Variants in OLFML2B observed in about 807,000 individuals in gnomAD.
OLFML2B encodes the protein olfactomedin like 2B.
Under a neutral mutation model 74.9 loss-of-function variants are expected in OLFML2B, and 57 were observed. That is an observed-to-expected ratio of 0.76 (90% CI 0.61 to 0.95). The LOEUF (loss-of-function observed/expected upper bound fraction) is 0.95. Ranked by LOEUF, OLFML2B falls within the 40% of genes least tolerant of loss-of-function variation. The pLI, the probability that OLFML2B is intolerant of heterozygous loss-of-function variation, is 0.00. For synonymous variants in OLFML2B, 388 were observed against 405.8 expected (o/e 0.96, Z 0.53); for missense variants, 986 against 970.6 (o/e 1.02, Z -0.21).
intron 6 of OLFML2B, among the ~76,000 whole-genome samples, chr1:161,991,351 T>C (rs1689738041): frequency 1.3e-5 from 2 of 152,252 alleles, no homozygotes; most frequent in South Asian, 4.1e-4. Context: ...AATGCTGTGT[T>C]GGCAGGCATG....
In OLFML2B at chr1:162,007,035, C is replaced by T. The variant is rs548128840; in HGVS notation, c.547-562G>A. ...TTTACATAGAAAATTGATAGGCTGG[C>T]TTCAAACTTTCCTATTTACCCATAA... On this transcript the variant is annotated intron_variant, in intron 3 of 7. Transcript: ENST00000294794. 1.4e-4 allele frequency among the ~76,000 whole-genome samples: 21 copies of T among 152,330 alleles called. No homozygotes were observed. In the South Asian group the frequency reaches 3.9e-3, roughly 29 times the overall value.
rs551981624 is a variant in OLFML2B at position 162,015,697 on chromosome 1, G to A, written c.546+1703C>T. Among the ~76,000 whole-genome samples, 15 of 152,284 alleles carry A rather than the reference G, an allele frequency of 9.9e-5. No homozygotes were observed. The East Asian group carries it at 1.2e-3, about 12-fold the overall frequency. ...TGGTTTTAACTAGGAGGAAGAGTCCGAAGCCTGCATGAAGTCCATTAGTAG... is the reference window on the plus strand; with the variant it reads ...TGGTTTTAACTAGGAGGAAGAGTCCAAAGCCTGCATGAAGTCCATTAGTAG... On this transcript the variant is annotated intron_variant, in intron 3 of 7. Coordinates refer to ENST00000294794, the MANE Select transcript of OLFML2B (RefSeq NM_015441.3).
Position 161,983,912 on chromosome 1 carries a change from G to A in OLFML2B, c.2016C>T (p.Phe672=). The change falls in exon 8 of 8, where the codon TTC becomes TTT. Residue 672 remains phenylalanine, a synonymous_variant. Transcript: ENST00000294794. ...CACAGATGACGAAGCAGTTGCCGTA[G>A]AAATTCCTCCGGAGCCCCGTGCGCC... ...TTWRTGLRRN[F]YGNCFVICGV... The A allele has an allele frequency of 1.2e-6, 2 of 1,614,230 alleles. No homozygotes were observed. The highest frequency in any genetic ancestry group is 1.1e-5 in the South Asian group (1 of 91,084).
At chr1:162,013,928 ACACACACAC>A (rs1011506445) in intron 3 of OLFML2B, among the ~76,000 whole-genome samples, 3 of 142,392 alleles carry the variant, frequency 2.1e-5, no homozygotes, top group African/African-American at 7.9e-5. Flanking sequence ...ACACACACAC[ACACACACAC>A]ACTTCTGTAG....
intron 6 of OLFML2B, among the ~76,000 whole-genome samples, chr1:161,988,409 C>A (rs963199192): frequency 1.3e-5 from 2 of 152,176 alleles, no homozygotes; most frequent in Non-Finnish European, 2.9e-5. Flanking sequence ...GGTCCTTGGG[C>A]GTCTGCTCCC....
At chr1:162,004,831 G>A (rs1206690784) in intron 4 of OLFML2B, among the ~76,000 whole-genome samples, 4 of 152,146 alleles carry the variant, frequency 2.6e-5, no homozygotes, top group South Asian at 2.1e-4. Flanking sequence ...CACTCAGAAC[G>A]ACTCCCCGAA....
At chr1:161,998,670 C>A (rs1689999570) in intron 5 of OLFML2B, among the ~76,000 whole-genome samples, 1 of 152,276 alleles carries the variant, frequency 6.6e-6, no homozygotes, top group African/African-American at 2.4e-5. Flanking sequence ...ATCCTTCCAG[C>A]ACATGTTTAT....
In OLFML2B at chr1:162,005,148, C is replaced by T. The variant is rs538288640; in HGVS notation, c.723+1149G>A. 2.0e-5 allele frequency among the ~76,000 whole-genome samples: 3 copies of T among 152,306 alleles called. No homozygotes were observed. In the South Asian group the frequency reaches 6.2e-4, roughly 32 times the overall value. On this transcript the variant is annotated intron_variant, in intron 4 of 7. Transcript: ENST00000294794. ...TTGGACAACAATTCAGTAAATAACC[C>T]AATACATTAAATGGTAGCACTTAAC... is the stretch of plus-strand genomic sequence containing the variant.
At chr1:161,993,227 C>T (rs968464948) in intron 6 of OLFML2B, among the ~76,000 whole-genome samples, 1 of 152,232 alleles carries the variant, frequency 6.6e-6, no homozygotes, top group African/African-American at 2.4e-5. Flanking sequence ...CTTGTTGGCT[C>T]TGGTTCTTCT....
chr1:162,004,063 C>T (rs1690153481), intron 4 of OLFML2B, among the ~76,000 whole-genome samples: 1 of 152,172 alleles, frequency 6.6e-6, no homozygotes, highest in Admixed American at 6.5e-5. Flanking sequence ...GAGCTGGGTT[C>T]CCGAACATAC....
chr1:161,994,160 G>C (rs1450751235), intron 6 of OLFML2B, among the ~76,000 whole-genome samples: 1 of 152,228 alleles, frequency 6.6e-6, no homozygotes, highest in Non-Finnish European at 1.5e-5. Flanking sequence ...GAGACCAGTG[G>C]AGCTGGGGCT....
intron 6 of OLFML2B, among the ~76,000 whole-genome samples, chr1:161,993,661 G>A (rs1392921583): frequency 1.3e-5 from 2 of 151,686 alleles, no homozygotes; most frequent in Admixed American, 6.6e-5. Flanking sequence ...TCCCTCACTC[G>A]ACCCCATCTG....
At chr1:162,010,712 C>T (rs12025136) in intron 3 of OLFML2B, among the ~76,000 whole-genome samples, 86,582 of 151,856 alleles carry the variant, frequency 0.57, 29,364 homozygotes, top group Non-Finnish European at 0.75. Context: ...TCTGTGGTCT[C>T]GTTTTTACAA....
In OLFML2B at chr1:162,023,422, C is replaced by G; in HGVS notation, c.9G>C (p.Lys3Asn). Residue 3 changes from lysine (K) to asparagine (N), a missense_variant, in exon 1 of 8, where the codon AAG becomes AAC. By Grantham distance (94) the Lys-to-Asn change is moderately conservative (BLOSUM62 0). Transcript: ENST00000294794. MAKPRLLVLYFAL... is the reference protein window; with the variant it reads MANPRLLVLYFAL... ...CGAAGTAGAGAACTAGCAGCCGAGG[C>G]TTGGCCATGAGGGGCGCGATAAGAG... 2 of 1,566,934 alleles carry G rather than the reference C, an allele frequency of 1.3e-6. No homozygotes were observed. The highest frequency in any genetic ancestry group is 2.3e-5 in the South Asian group (2 of 85,758).
chr1:162,005,902 CAAAA>C (rs71093139), intron 4 of OLFML2B, among the ~76,000 whole-genome samples: 832 of 77,726 alleles, frequency 0.011, 12 homozygotes, highest in African/African-American at 0.027. Context: ...TGGAACCTAT[CAAAA>C]AAAAAAAAAA....
At chr1:161,995,457 A>T (rs1241862799) in intron 6 of OLFML2B, among the ~76,000 whole-genome samples, 2 of 152,224 alleles carry the variant, frequency 1.3e-5, no homozygotes, top group Non-Finnish European at 2.9e-5. Context: ...CCACCAGGTA[A>T]ATGGCTGCTG....
chr1:161,999,592 G>A (rs992782353), intron 5 of OLFML2B, among the ~76,000 whole-genome samples: 1 of 151,968 alleles, frequency 6.6e-6, no homozygotes, highest in Non-Finnish European at 1.5e-5. Flanking sequence ...ACAAGAGGAG[G>A]AGGAGGAGGC....
chr1:162,023,217 T>A (rs565503617), intron 1 of OLFML2B, 40 bp downstream of exon 1: 1 of 1,457,368 alleles, frequency 6.9e-7, no homozygotes, highest in Non-Finnish European at 9.1e-7. Context: ...CTCACCACCA[T>A]CCAGGGCAAG....
chr1:162,013,030 A>C (rs1690439022), intron 3 of OLFML2B, among the ~76,000 whole-genome samples: 1 of 152,108 alleles, frequency 6.6e-6, no homozygotes, highest in East Asian at 1.9e-4. Context: ...GCAGCCTACA[A>C]GTCTATGGGT....
Sources: allele counts gnomAD v4.1 joint callset (sites outside exome capture counted in the v4.1 genomes callset), GRCh38; gene constraint gnomAD v4.1.1; transcripts MANE v1.5; gene names NCBI Gene and HGNC (gene_info 2026-07-23, HGNC 2026-07-21).